Variants in THG1L observed in about 807,000 individuals in gnomAD.
THG1L encodes the protein probable tRNA(His) guanylyltransferase.
In THG1L, 27 loss-of-function variants were observed where a neutral mutation model predicts 35.2. That is an observed-to-expected ratio of 0.77 (90% CI 0.57 to 1.06). THG1L has a LOEUF of 1.06. Ranked by LOEUF, THG1L falls within the 50% of genes least tolerant of loss-of-function variation. The probability of loss-of-function intolerance (pLI) is 0.00; values close to 1 mark genes in which losing one functional copy is unlikely to be tolerated. For missense variants in THG1L, 377 were observed against 371.8 expected (o/e 1.01, Z -0.12); for synonymous variants, 135 against 132.4 (o/e 1.02, Z -0.14).
In THG1L at chr5:157,738,080, G is replaced by C. The variant is rs1469875787; in HGVS notation, c.735+86G>C. 7 of 978,324 alleles carry C rather than the reference G, an allele frequency of 7.2e-6. 1 individual carries two copies. Among genetic ancestry groups the C allele is most frequent in the Non-Finnish European group, 1.1e-5 (7 of 640,270 alleles). 60.6% of individuals were successfully genotyped at this position (978,324 alleles called of 1,614,324 possible). A position where few individuals can be genotyped will look rare whatever the true frequency, so the allele number is the denominator to read the frequency against. On this transcript the variant is annotated intron_variant, in intron 5 of 5. Transcript: ENST00000231198. ...CCAAGCTGTGCCCTCCCTGCTGCCT[G>C]TATGCTGATGTTACTCCAGTTGCTA...
chr5:157,733,862 C>T (rs1760796390), intron 2 of THG1L, among the ~76,000 whole-genome samples: 2 of 152,084 alleles, frequency 1.3e-5, no homozygotes, highest in Admixed American at 1.3e-4. Context: ...GTCACAGCTA[C>T]TAAGGAGGTT....
intron 5 of THG1L, chr5:157,738,742 A>G: frequency 2.7e-6 from 1 of 365,398 alleles, no homozygotes; most frequent in Non-Finnish European, 5.2e-6. Flanking sequence ...AAGGTAAGAA[A>G]TACCTTTAAT....
chr5:157,738,670 CTT>C (rs1760947792), intron 5 of THG1L: 1 of 431,752 alleles, frequency 2.3e-6, no homozygotes, highest in African/African-American at 2.1e-5. Flanking sequence ...AACTCCAGCT[CTT>C]TGAGTTGTTC....
chr5:157,735,798 A>G (rs1760855347), intron 3 of THG1L, 48 bp from the exon 4 acceptor site: 1 of 1,282,176 alleles, frequency 7.8e-7, no homozygotes, highest in South Asian at 1.3e-5. Context: ...ATGAATATTC[A>G]ATAAAGATTT....
chr5:157,733,877 C>G (rs912309710), intron 2 of THG1L, among the ~76,000 whole-genome samples: 2 of 152,116 alleles, frequency 1.3e-5, no homozygotes, highest in African/African-American at 2.4e-5. Context: ...GAGGTTGAGG[C>G]AGGAGGATCC....
chr5:157,736,305 A>T (rs1177545968), intron 4 of THG1L, among the ~76,000 whole-genome samples: 4 of 150,358 alleles, frequency 2.7e-5, no homozygotes, highest in Non-Finnish European at 5.9e-5. Context: ...GCTGCAGTAC[A>T]GTGGTGTGAT....
chr5:157,738,426 G>A (rs3756655), intron 5 of THG1L, among the ~76,000 whole-genome samples: 53,593 of 151,964 alleles, frequency 0.35, 9,615 homozygotes, highest in East Asian at 0.55. Context: ...TGTTATTTTC[G>A]TAAATGTCAT....
chr5:157,734,524 T>A lies in THG1L; in HGVS notation c.369-52T>A. The A allele has an allele frequency of 1.9e-6, 3 of 1,603,434 alleles. 1 individual carries two copies. Among genetic ancestry groups the A allele is most frequent in the Non-Finnish European group, 2.6e-6 (3 of 1,172,966 alleles). On this transcript the variant is annotated intron_variant, in intron 2 of 5. Coordinates refer to ENST00000231198, the MANE Select transcript of THG1L (RefSeq NM_017872.5). ...GGTCTTATCATGGTGTTGAACTAAT[T>A]CCGTGTATTTTTCTTTTTCTTACTC...
At position 157,737,949 on chromosome 5, in the gene THG1L, T is replaced by C. The variant is rs1272674027; in HGVS notation, c.690T>C (p.Asn230=). 1.2e-6 allele frequency: 2 copies of C among 1,613,482 alleles called. No homozygotes were observed. Among genetic ancestry groups the C allele is most frequent in the African/African-American group, 2.7e-5 (2 of 74,870 alleles). The part of the protein sequence containing the change: ...LFSEFNINYN[N]ELPMYRKGTV... Reference sequence around the variant, plus strand: ...CTGAATTCAACATCAACTATAATAATGAGCTGCCGATGTATAGGAAAGGGA... The same window carrying C: ...CTGAATTCAACATCAACTATAATAACGAGCTGCCGATGTATAGGAAAGGGA... Residue 230 remains asparagine (N), a synonymous_variant, in exon 5 of 6, where the codon AAT becomes AAC. Transcript: ENST00000231198.
Position 157,739,521 on chromosome 5 carries a change from A to G in THG1L, c.*39A>G, listed in dbSNP as rs1760980585. The G allele has an allele frequency of 6.3e-7, 1 of 1,585,022 alleles. No individual in the cohort carries two copies. Among genetic ancestry groups the G allele is most frequent in the Non-Finnish European group, 8.6e-7 (1 of 1,164,136 alleles). ...CAGTTCTGGTGTGCTTAACCATGCA[A>G]GCCCTCCCACCTCCCAGGGCTCCTT... On this transcript the variant is annotated 3_prime_UTR_variant, in exon 6 of 6. Transcript: ENST00000231198.
At chr5:157,735,822 A>G (rs1760855796) in intron 3 of THG1L, 24 bp from the exon 4 acceptor site, 3 of 1,470,978 alleles carry the variant, frequency 2.0e-6, no homozygotes, top group South Asian at 2.4e-5. Flanking sequence ...GTATATAAAC[A>G]TTACTATTTT....
chr5:157,736,064 T>C, intron 4 of THG1L, 130 bp downstream of exon 4: 1 of 647,224 alleles, frequency 1.5e-6, no homozygotes, highest in South Asian at 1.9e-5. Flanking sequence ...TGAAAGGATA[T>C]AAAAATCATA....
intron 4 of THG1L, among the ~76,000 whole-genome samples, chr5:157,736,898 G>A (rs1561613575): frequency 6.6e-6 from 1 of 152,194 alleles, no homozygotes; most frequent in Non-Finnish European, 1.5e-5. Context: ...AGTGCTACTT[G>A]TAGGATGACT....
rs1455137125 is a variant in THG1L, at chr5:157,731,719, A to C, written c.191+88A>C. ...CCTTGCAAGTCCTCCCGCCCGCTCC[A>C]GTCACGGTTACCAGGGTAACGCGGT... On this transcript the variant is annotated intron_variant, in intron 1 of 5. Transcript: ENST00000231198. 4 of 1,483,834 alleles carry C rather than the reference A, an allele frequency of 2.7e-6. No homozygotes were observed. In the African/African-American group the frequency reaches 4.2e-5, roughly 16 times the overall value. The allele number at this position is 1,483,834 out of a possible 1,614,324, so 91.9% of individuals were successfully genotyped here.
chr5:157,735,346 C>T (rs572929445), intron 3 of THG1L, among the ~76,000 whole-genome samples: 1 of 152,226 alleles, frequency 6.6e-6, no homozygotes, highest in East Asian at 1.9e-4. Flanking sequence ...CACACACACA[C>T]ACACACAAAT....
At chr5:157,739,278 C>G in intron 5 of THG1L, 43 bp from the exon 6 acceptor site, 2 of 1,590,946 alleles carry the variant, frequency 1.3e-6, no homozygotes, top group East Asian at 4.5e-5. Flanking sequence ...CTCCCAAACC[C>G]ACTCCTGACT....
At chr5:157,735,759 A>G in intron 3 of THG1L, 87 bp from the exon 4 acceptor site, 1 of 858,748 alleles carries the variant, frequency 1.2e-6, no homozygotes, top group Non-Finnish European at 1.8e-6. Context: ...GAAAGAGGAG[A>G]GGGTCAGGGC....
Position 157,731,775 on chromosome 5 carries a change from C to A in THG1L, c.191+144C>A, listed in dbSNP as rs1041311626. 285 of 1,071,980 alleles carry A rather than the reference C, an allele frequency of 2.7e-4. 1 individual carries two copies. Among genetic ancestry groups the A allele is most frequent in the Non-Finnish European group, 5.9e-5 (45 of 758,952 alleles). 66.4% of individuals were successfully genotyped at this position (1,071,980 alleles called of 1,614,324 possible). On this transcript the variant is annotated intron_variant, in intron 1 of 5. Coordinates refer to ENST00000231198, the MANE Select transcript of THG1L (RefSeq NM_017872.5). Reference sequence around the variant, plus strand: ...ATGAGTGCGCAGCATGGAGCATTGCCCCGCCCTGCGTGTTGGCTAGGACAG... The same window carrying A: ...ATGAGTGCGCAGCATGGAGCATTGCACCGCCCTGCGTGTTGGCTAGGACAG...
chr5:157,740,775 A>G lies in THG1L; in HGVS notation c.*1293A>G, dbSNP rs1327053184. 1 of 152,118 alleles carries G rather than the reference A, an allele frequency of 6.6e-6. No individual in the cohort carries two copies. Among genetic ancestry groups the G allele is most frequent in the Non-Finnish European group, 1.5e-5 (1 of 68,072 alleles). 9.4% of individuals were successfully genotyped at this position (152,118 alleles called of 1,614,324 possible). On this transcript the variant is annotated 3_prime_UTR_variant, in exon 6 of 6. Coordinates refer to ENST00000231198, the MANE Select transcript of THG1L (RefSeq NM_017872.5). ...AAAAATTAGCTGGGCATGGTGGTGC[A>G]TGCCTGTGATTCCAGCTACTTGGGA...
Sources: allele counts gnomAD v4.1 joint callset (sites outside exome capture counted in the v4.1 genomes callset), GRCh38; gene constraint gnomAD v4.1.1; transcripts MANE v1.5; gene names NCBI Gene and HGNC (gene_info 2026-07-23, HGNC 2026-07-21).